SPMIP10: variants seen among roughly 807,000 people sequenced by gnomAD.
SPMIP10 encodes the protein sperm microtubule inner protein 10.
chr5:126,631,781 A>T, the SPMIP10 span: 4 of 1,612,798 alleles, frequency 2.5e-6, no homozygotes, highest in Non-Finnish European at 3.4e-6. Flanking sequence ...AAACTCACTA[A>T]CAACTGCTCT....
At chr5:126,636,073 C>T in the SPMIP10 span, 17 of 1,613,884 alleles carry the variant, frequency 1.1e-5, no homozygotes, top group East Asian at 2.2e-5. Context: ...CTTTAGAAGA[C>T]TCTCTGTTTT....
chr5:126,631,888 G>C, the SPMIP10 span: 1 of 941,358 alleles, frequency 1.1e-6, no homozygotes, highest in African/African-American at 1.6e-5. Flanking sequence ...ACAAAGATAC[G>C]GTCAATAACT....
the SPMIP10 span, chr5:126,632,488 G>A: frequency 4.1e-6 from 4 of 982,048 alleles, no homozygotes; most frequent in African/African-American, 1.6e-5. Context: ...TGCCTGGAAT[G>A]ATGCTAAAAT....
the SPMIP10 span, among the ~76,000 whole-genome samples, chr5:126,633,512 A>C: frequency 6.6e-6 from 1 of 152,014 alleles, no homozygotes; most frequent in African/African-American, 2.4e-5. Context: ...GGTGCACATC[A>C]CCACACCTTG....
chr5:126,632,970 G>A, the SPMIP10 span, among the ~76,000 whole-genome samples: 3 of 142,708 alleles, frequency 2.1e-5, no homozygotes, highest in African/African-American at 8.8e-5. Flanking sequence ...CTGGGCAACA[G>A]AGCTAGACTC....
chr5:126,636,229 G>A, the SPMIP10 span: 33 of 1,612,990 alleles, frequency 2.0e-5, no homozygotes, highest in Non-Finnish European at 2.8e-5. Context: ...GCTTCAGGAG[G>A]CGACTAGTCT....
At chr5:126,636,079 G>C in the SPMIP10 span, 3 of 1,614,078 alleles carry the variant, frequency 1.9e-6, no homozygotes, top group South Asian at 2.2e-5. Flanking sequence ...AAGACTCTCT[G>C]TTTTTGAATC....
chr5:126,633,315 T>C, the SPMIP10 span, among the ~76,000 whole-genome samples: 1 of 152,174 alleles, frequency 6.6e-6, no homozygotes, highest in South Asian at 2.1e-4. Context: ...TTACACATGA[T>C]TTACCCATTC....
chr5:126,634,189 T>C, the SPMIP10 span, among the ~76,000 whole-genome samples: 1 of 152,078 alleles, frequency 6.6e-6, no homozygotes, highest in Admixed American at 6.6e-5. Context: ...CCTAGCACTT[T>C]GGGAGGCGGA....
At chr5:126,636,236 G>A in the SPMIP10 span, 9 of 1,611,636 alleles carry the variant, frequency 5.6e-6, no homozygotes, top group East Asian at 4.5e-5. Flanking sequence ...GAGGCGACTA[G>A]TCTAATGAAA....
chr5:126,636,254 A>G, the SPMIP10 span: 5 of 1,596,722 alleles, frequency 3.1e-6, no homozygotes, highest in Non-Finnish European at 4.3e-6. Flanking sequence ...AAAGAAGAAT[A>G]AAATAATAAA....
chr5:126,636,029 T>C, the SPMIP10 span: 2 of 1,610,470 alleles, frequency 1.2e-6, no homozygotes. Flanking sequence ...TCTTTTCTCT[T>C]AGCAAGCAGA....
the SPMIP10 span, among the ~76,000 whole-genome samples, chr5:126,635,215 A>G: frequency 6.7e-6 from 1 of 150,078 alleles, no homozygotes; most frequent in African/African-American, 2.5e-5. Context: ...AGCATACCAG[A>G]GTTGGGGCTG....
chr5:126,634,790 G>C, the SPMIP10 span, among the ~76,000 whole-genome samples: 21 of 152,288 alleles, frequency 1.4e-4, no homozygotes, highest in African/African-American at 4.8e-4. Context: ...GTAAATGCTA[G>C]TAAATGCTAA....
the SPMIP10 span, chr5:126,631,875 G>A: frequency 1.8e-6 from 2 of 1,087,968 alleles, no homozygotes; most frequent in Admixed American, 1.8e-5. Context: ...CAACCTGGGA[G>A]CCACAAAGAT....
At chr5:126,633,370 T>C in the SPMIP10 span, among the ~76,000 whole-genome samples, 1 of 152,144 alleles carries the variant, frequency 6.6e-6, no homozygotes, top group Admixed American at 6.6e-5. Flanking sequence ...ATTCCTTTTT[T>C]TCTTTTTGGA....
chr5:126,632,237 T>A, the SPMIP10 span, among the ~76,000 whole-genome samples: 1 of 116,028 alleles, frequency 8.6e-6, no homozygotes, highest in African/African-American at 3.5e-5. Context: ...CAGCTGGGCA[T>A]GATAATGCAC....
chr5:126,632,942 G>A, the SPMIP10 span, among the ~76,000 whole-genome samples: 1 of 150,100 alleles, frequency 6.7e-6, no homozygotes, highest in African/African-American at 2.5e-5. Context: ...AGCCAAGATT[G>A]CGCCACTGCA....
At chr5:126,634,412 G>A in the SPMIP10 span, among the ~76,000 whole-genome samples, 2 of 152,174 alleles carry the variant, frequency 1.3e-5, no homozygotes, top group Non-Finnish European at 2.9e-5. Context: ...CTGGGCAACA[G>A]AGCAAGACTC....
Sources: gnomAD v4.1 joint callset for allele counts (sites outside exome capture counted in the v4.1 genomes callset) on GRCh38, gnomAD v4.1.1 for gene constraint, MANE v1.5 for transcripts, NCBI Gene and HGNC (gene_info 2026-07-23, HGNC 2026-07-21) for gene names.